The following C12orf42 variants were observed in gnomAD, a reference collection of about 807,000 sequenced individuals.
The protein encoded by C12orf42 is uncharacterized protein C12orf42.
Under a neutral mutation model 21.6 loss-of-function variants are expected in C12orf42, and 25 were observed. The observed-to-expected ratio is 1.16, with a 90% CI of 0.84 to 1.62. C12orf42 has a LOEUF of 1.62. Among genes scored for constraint, C12orf42 ranks in the 40% most tolerant of loss-of-function variants. C12orf42 has a pLI of 0.00. For synonymous variants in C12orf42, 174 were observed against 175.0 expected (o/e 0.99, Z 0.05); for missense variants, 483 against 459.3 (o/e 1.05, Z -0.47).
the C12orf42 span, chr12:103,558,482 T>C: frequency 6.6e-6 from 1 of 152,258 alleles, no homozygotes; most frequent in South Asian, 2.1e-4. Flanking sequence ...TATTCTGACC[T>C]GGCTCTGTGT....
the C12orf42 span, among the ~76,000 whole-genome samples, chr12:103,231,766 T>C: frequency 2.0e-5 from 3 of 152,232 alleles, no homozygotes; most frequent in Non-Finnish European, 4.4e-5. Context: ...AAAGCTGTTA[T>C]ACACATTCAT....
At chr12:103,203,962 C>T in the C12orf42 span, among the ~76,000 whole-genome samples, 2 of 152,152 alleles carry the variant, frequency 1.3e-5, no homozygotes, top group Admixed American at 1.3e-4. Flanking sequence ...AGCCCCAGGA[C>T]CAGGTTACTT....
chr12:103,229,362 T>C, the C12orf42 span, among the ~76,000 whole-genome samples: 1 of 152,336 alleles, frequency 6.6e-6, no homozygotes, highest in East Asian at 1.9e-4. Flanking sequence ...ACCAATGCTC[T>C]GGTTGCTTTG....
intron 4 of C12orf42, among the ~76,000 whole-genome samples, chr12:103,314,927 A>G (rs758871772): frequency 6.6e-6 from 1 of 152,186 alleles, no homozygotes; most frequent in South Asian, 2.1e-4. Context: ...GGGCTTCAGT[A>G]TAATAACGGT....
chr12:103,301,075 T>C (rs2037615856), downstream of C12orf42, among the ~76,000 whole-genome samples: 1 of 152,242 alleles, frequency 6.6e-6, no homozygotes, highest in African/African-American at 2.4e-5. Flanking sequence ...TAGGAAGTTA[T>C]TGCTTATAAC....
intron 4 of C12orf42, chr12:103,277,303 T>G: frequency 3.3e-6 from 1 of 304,690 alleles, no homozygotes; most frequent in Non-Finnish European, 6.4e-6. Flanking sequence ...ATAACACAAA[T>G]AATACTATTT....
At chr12:103,305,487 G>A (rs930168246) in intron 5 of C12orf42, among the ~76,000 whole-genome samples, 5 of 152,190 alleles carry the variant, frequency 3.3e-5, no homozygotes, top group African/African-American at 9.7e-5. Flanking sequence ...TGAGATGGGA[G>A]AGAGTCGATA....
intron 4 of C12orf42, among the ~76,000 whole-genome samples, chr12:103,311,269 G>C (rs1237636617): frequency 1.3e-5 from 2 of 151,828 alleles, no homozygotes; most frequent in Non-Finnish European, 2.9e-5. Context: ...ATGATGTTGG[G>C]ACAGGTGGTG....
chr12:103,257,958 A>G (rs1268823969), intron 10 of C12orf42, among the ~76,000 whole-genome samples: 2 of 152,034 alleles, frequency 1.3e-5, no homozygotes, highest in African/African-American at 2.4e-5. Context: ...GGTCATCTAG[A>G]AAAGAAAAGT....
chr12:103,120,877 A>G, the C12orf42 span, among the ~76,000 whole-genome samples: 2 of 151,994 alleles, frequency 1.3e-5, no homozygotes, highest in Admixed American at 6.6e-5. Flanking sequence ...AGATAGTAGA[A>G]TACTCACAGA....
the C12orf42 span, among the ~76,000 whole-genome samples, chr12:103,118,524 C>A: frequency 1.3e-5 from 2 of 151,984 alleles, no homozygotes; most frequent in African/African-American, 2.4e-5. Flanking sequence ...TTTGGCTGGG[C>A]GCGGTGGCTC....
intron 4 of C12orf42, among the ~76,000 whole-genome samples, chr12:103,296,795 C>A (rs1042806707): frequency 9.9e-5 from 15 of 151,754 alleles, no homozygotes; most frequent in African/African-American, 3.1e-4. Context: ...AAAATTTTAT[C>A]CCATTCTGTA....
the C12orf42 span, among the ~76,000 whole-genome samples, chr12:103,094,940 C>T: frequency 3.3e-4 from 51 of 152,284 alleles, no homozygotes; most frequent in Non-Finnish European, 5.1e-4. Flanking sequence ...TTTTATTATT[C>T]TATGGACTGC....
chr12:103,323,669 C>T (rs2040402566), intron 4 of C12orf42, among the ~76,000 whole-genome samples: 1 of 152,058 alleles, frequency 6.6e-6, no homozygotes, highest in Non-Finnish European at 1.5e-5. Context: ...GATGTTCTCT[C>T]GAATATGTAA....
intron 6 of C12orf42, chr12:103,269,750 G>A (rs1340937668): frequency 1.3e-5 from 2 of 152,132 alleles, no homozygotes; most frequent in East Asian, 3.9e-4. Flanking sequence ...GACAAATCCA[G>A]TGCTGTGTGC....
intron 4 of C12orf42, among the ~76,000 whole-genome samples, chr12:103,279,717 C>T (rs553730149): frequency 7.7e-4 from 118 of 152,288 alleles, no homozygotes; most frequent in Admixed American, 2.9e-3. Context: ...CTTCCTGAAA[C>T]GCTAGCTTGA....
the C12orf42 span, among the ~76,000 whole-genome samples, chr12:103,136,918 ACT>A: frequency 1.3e-5 from 2 of 152,202 alleles, no homozygotes; most frequent in African/African-American, 2.4e-5. Flanking sequence ...AAGACCCAAA[ACT>A]ATAAAGCTAC....
intron 3 of C12orf42, among the ~76,000 whole-genome samples, chr12:103,380,091 T>TA (rs759682352): frequency 3.9e-5 from 6 of 152,184 alleles, no homozygotes; most frequent in Non-Finnish European, 5.9e-5. Context: ...AAAGAAGAAT[T>TA]ACTGTATTTA....
chr12:103,237,280 T>C (rs1284187443), downstream of C12orf42, among the ~76,000 whole-genome samples: 2 of 152,090 alleles, frequency 1.3e-5, no homozygotes, highest in Admixed American at 6.6e-5. Flanking sequence ...TGTGGCATTG[T>C]TGGGGAGATG....
Sources: allele counts gnomAD v4.1 joint callset (sites outside exome capture counted in the v4.1 genomes callset), GRCh38; gene constraint gnomAD v4.1.1; transcripts MANE v1.5; gene names NCBI Gene and HGNC (gene_info 2026-07-23, HGNC 2026-07-21).